Variants in CYP7B1 observed in about 807,000 individuals in gnomAD.
The protein encoded by CYP7B1 is cytochrome P450 7B1.
Under a neutral mutation model 42.7 loss-of-function variants are expected in CYP7B1, and 29 were observed. That is an observed-to-expected ratio of 0.68 (90% CI 0.51 to 0.93). The LOEUF (loss-of-function observed/expected upper bound fraction) is 0.93, where lower values mean the gene tolerates loss of function less well. Ranked by LOEUF, CYP7B1 falls within the 40% of genes least tolerant of loss-of-function variation. The pLI is 0.00. For missense variants in CYP7B1, 655 were observed against 600.5 expected, an observed-to-expected ratio of 1.09 and a Z score of -0.95; for synonymous variants, 235 against 218.2, an observed-to-expected ratio of 1.08 and a Z score of -0.68.
intron 5 of CYP7B1, among the ~76,000 whole-genome samples, chr8:64,597,734 T>G (rs909491238): frequency 2.0e-5 from 3 of 152,210 alleles, no homozygotes; most frequent in Non-Finnish European, 2.9e-5. Context: ...AACTCTCACT[T>G]GAATTTCTTA....
intron 1 of CYP7B1, among the ~76,000 whole-genome samples, chr8:64,682,780 T>C (rs983238675): frequency 1.3e-5 from 2 of 152,194 alleles, no homozygotes; most frequent in African/African-American, 2.4e-5. Context: ...ATCTCCAGCC[T>C]GGCCCTCTCC....
chr8:64,643,616 A>G (rs1240837561), intron 1 of CYP7B1, among the ~76,000 whole-genome samples: 1 of 152,190 alleles, frequency 6.6e-6, no homozygotes, highest in African/African-American at 2.4e-5. Context: ...TCCTTTCATG[A>G]AAGATTTCTC....
chr8:64,794,724 G>C (rs1804678374), intron 1 of CYP7B1, among the ~76,000 whole-genome samples: 1 of 152,018 alleles, frequency 6.6e-6, no homozygotes, highest in Non-Finnish European at 1.5e-5. Flanking sequence ...ATTTTAGAGG[G>C]GAAGCAAACG....
At chr8:64,617,141 T>C (rs1585809666) in intron 2 of CYP7B1, among the ~76,000 whole-genome samples, 2 of 152,166 alleles carry the variant, frequency 1.3e-5, no homozygotes, top group East Asian at 3.9e-4. Flanking sequence ...CTCTTTGAGG[T>C]GATGACATTT....
intron 1 of CYP7B1, among the ~76,000 whole-genome samples, chr8:64,709,723 C>T (rs756255425): frequency 2.6e-5 from 4 of 152,042 alleles, no homozygotes; most frequent in Admixed American, 6.6e-5. Context: ...AAAGGATAAA[C>T]GGCATACACA....
In CYP7B1 at chr8:64,615,169, A is replaced by G. The variant is rs150133725; in HGVS notation, c.914T>C (p.Met305Thr). The G allele has an allele frequency of 5.6e-6, 9 of 1,613,638 alleles. No homozygotes were observed. Among genetic ancestry groups the G allele is most frequent in the Non-Finnish European group, 1.7e-6 (2 of 1,179,762 alleles). Residue 305 changes from methionine to threonine, a missense_variant, in exon 4 of 6, where the codon ATG (methionine) becomes ACG (threonine). By Grantham distance (81) the Met-to-Thr change is moderately conservative (BLOSUM62 -1). Transcript: ENST00000310193. ...ANTIPTMFWA[M>T]YYLLRHPEAM... ...TTCTGGGTGCCGCAGAAGATAATACATTGCCCAGAACATAGTTGGAATAGT... is the reference window on the plus strand; with the variant it reads ...TTCTGGGTGCCGCAGAAGATAATACGTTGCCCAGAACATAGTTGGAATAGT...
chr8:64,712,751 G>A (rs1208958448), intron 1 of CYP7B1, among the ~76,000 whole-genome samples: 1 of 113,324 alleles, frequency 8.8e-6, no homozygotes, highest in Non-Finnish European at 1.7e-5. Context: ...TTATATATGT[G>A]TGTGTTATGT....
At chr8:64,681,534 T>TA (rs956512956) in intron 1 of CYP7B1, among the ~76,000 whole-genome samples, 8 of 152,162 alleles carry the variant, frequency 5.3e-5, no homozygotes, top group African/African-American at 1.7e-4. Context: ...GGTTAGTTTA[T>TA]AAAAAAATTG....
chr8:64,728,933 T>G (rs1480669891), intron 1 of CYP7B1: 1 of 152,180 alleles, frequency 6.6e-6, no homozygotes. Context: ...CCATGGCAGG[T>G]GAATCTTTTG....
Position 64,596,809 on chromosome 8 carries a change from G to A in CYP7B1, c.1354C>T (p.Arg452Ter), listed in dbSNP as rs769676029. Residue 452 changes from arginine (R) to a stop codon, truncating the protein, a stop_gained, in exon 6 of 6, where the codon CGA becomes TGA. Coordinates refer to ENST00000310193, the MANE Select transcript of CYP7B1 (RefSeq NM_004820.5). LOFTEE classifies it low-confidence loss of function (END_TRUNC). ...FGTGTSKCPG[R>*]FFALMEIKQL... is the part of the protein sequence containing the mutation. Reference sequence around the variant, plus strand: ...TTTATTTCCATAAGTGCAAAAAATCGGCCTGGACATTTGCTGGTTCCAGTT... The same window carrying A: ...TTTATTTCCATAAGTGCAAAAAATCAGCCTGGACATTTGCTGGTTCCAGTT... 4.5e-5 allele frequency: 72 copies of A among 1,613,926 alleles called. No individual in the cohort carries two copies. The highest frequency in any genetic ancestry group is 1.7e-4 in the Middle Eastern group (1 of 6,060).
intron 3 of CYP7B1, 141 bp from the exon 4 acceptor site, chr8:64,615,373 T>C (rs1805422306): frequency 1.1e-6 from 1 of 887,400 alleles, no homozygotes; most frequent in East Asian, 2.7e-5. Context: ...GCTTCTGAAG[T>C]CTAATTTTCT....
chr8:64,756,702 G>A (rs1284793540), intron 1 of CYP7B1, among the ~76,000 whole-genome samples: 1 of 152,124 alleles, frequency 6.6e-6, no homozygotes, highest in Admixed American at 6.6e-5. Flanking sequence ...AGCTTGGAAG[G>A]GACCTTAGGG....
At chr8:64,649,188 T>G (rs1358233420) in intron 1 of CYP7B1, among the ~76,000 whole-genome samples, 1 of 152,134 alleles carries the variant, frequency 6.6e-6, no homozygotes, top group Non-Finnish European at 1.5e-5. Context: ...ATTAATCAAT[T>G]CATCAATTCA....
intron 1 of CYP7B1, among the ~76,000 whole-genome samples, chr8:64,735,001 G>A (rs7833842): frequency 0.015 from 2,226 of 152,184 alleles, 61 homozygotes; most frequent in African/African-American, 0.049. Flanking sequence ...ACTCCTATGA[G>A]AATCTAATTC....
At chr8:64,662,763 T>A (rs1208715670) in intron 1 of CYP7B1, among the ~76,000 whole-genome samples, 2 of 151,932 alleles carry the variant, frequency 1.3e-5, no homozygotes, top group African/African-American at 2.4e-5. Flanking sequence ...TATGTGCTTT[T>A]CACTATGGTA....
intron 1 of CYP7B1, among the ~76,000 whole-genome samples, chr8:64,781,754 T>G (rs1407660925): frequency 6.6e-6 from 1 of 152,196 alleles, no homozygotes; most frequent in Non-Finnish European, 1.5e-5. Context: ...CTTTGCCATG[T>G]AACCGAACAT....
At chr8:64,761,108 A>T (rs935843084) in intron 1 of CYP7B1, among the ~76,000 whole-genome samples, 1 of 152,142 alleles carries the variant, frequency 6.6e-6, no homozygotes, top group Admixed American at 6.6e-5. Flanking sequence ...GCATTAGATG[A>T]TATCACTTAC....
chr8:64,736,614 C>T (rs1223730388), intron 1 of CYP7B1, among the ~76,000 whole-genome samples: 1 of 152,008 alleles, frequency 6.6e-6, no homozygotes, highest in Non-Finnish European at 1.5e-5. Flanking sequence ...CCACACCCAG[C>T]TAATTTTTGT....
chr8:64,749,216 G>A (rs2129633451), intron 1 of CYP7B1, among the ~76,000 whole-genome samples: 1 of 152,132 alleles, frequency 6.6e-6, no homozygotes, highest in East Asian at 1.9e-4. Flanking sequence ...GAGTAGCTGG[G>A]ATTACAGGTG....
Sources: gnomAD v4.1 joint callset for allele counts (sites outside exome capture counted in the v4.1 genomes callset) on GRCh38, gnomAD v4.1.1 for gene constraint, MANE v1.5 for transcripts, NCBI Gene and HGNC (gene_info 2026-07-23, HGNC 2026-07-21) for gene names.